Variants in MTHFS observed in about 807,000 individuals in gnomAD.
The protein encoded by MTHFS is 5-formyltetrahydrofolate cyclo-ligase.
MTHFS carries 7 observed loss-of-function variants against 12.7 expected under a neutral mutation model. The observed-to-expected ratio is 0.55, with a 90% confidence interval of 0.31 to 1.03. The LOEUF (loss-of-function observed/expected upper bound fraction) is 1.03, where lower values mean the gene tolerates loss of function less well. Ranked by LOEUF, MTHFS falls within the 50% of genes least tolerant of loss-of-function variation. MTHFS has a pLI of 0.05. For missense variants in MTHFS, 252 were observed against 258.1 expected, an observed-to-expected ratio of 0.98 and a Z score of 0.16; for synonymous variants, 100 against 97.1, an observed-to-expected ratio of 1.03 and a Z score of -0.18.
At position 79,850,376 on chromosome 15, in the gene MTHFS, C is replaced by T. The variant is rs150331483; in HGVS notation, c.380-4934G>A. 5.5e-4 allele frequency among the ~76,000 whole-genome samples: 84 copies of T among 152,260 alleles called. 1 individual carries two copies. In the East Asian group the frequency reaches 0.016, roughly 28 times the overall value. On this transcript the variant is annotated intron_variant, in intron 2 of 2. Transcript: ENST00000258874. The stretch of plus-strand genomic sequence containing the variant: ...CAGGGGAGAATGAGGTTATAGAATG[C>T]AGATTAGCACATTTTTCCTACAAAA...
intron 2 of MTHFS, among the ~76,000 whole-genome samples, chr15:79,856,510 C>CA (rs755261683): frequency 1.3e-4 from 19 of 151,524 alleles, no homozygotes; most frequent in Non-Finnish European, 2.8e-4. Context: ...CAGTCACACA[C>CA]ACAAAAAAAC....
At chr15:79,883,477 A>G (rs1357937774) in intron 2 of MTHFS, among the ~76,000 whole-genome samples, 3 of 152,184 alleles carry the variant, frequency 2.0e-5, no homozygotes, top group Non-Finnish European at 4.4e-5. Flanking sequence ...GAAAGAGTCT[A>G]TCAGCAAAGA....
At chr15:79,858,035 AC>A (rs1159390208) in intron 2 of MTHFS, among the ~76,000 whole-genome samples, 12 of 151,380 alleles carry the variant, frequency 7.9e-5, no homozygotes, top group Admixed American at 2.6e-4. Flanking sequence ...AAAAAAAAAA[AC>A]ATAATCCTCT....
At chr15:79,850,235 T>G (rs761825659) in intron 2 of MTHFS, among the ~76,000 whole-genome samples, 17 of 152,224 alleles carry the variant, frequency 1.1e-4, no homozygotes, top group South Asian at 2.1e-4. Context: ...GGGTATAGTT[T>G]CTCCAATATT....
chr15:79,894,151 G>C (rs923890929), intron 1 of MTHFS, among the ~76,000 whole-genome samples: 6 of 152,212 alleles, frequency 3.9e-5, no homozygotes, highest in Admixed American at 3.9e-4. Context: ...TTGGGAGGCA[G>C]AGGCGGGAAG....
chr15:79,857,141 A>C (rs1350388478), intron 2 of MTHFS, among the ~76,000 whole-genome samples: 1 of 149,272 alleles, frequency 6.7e-6, no homozygotes, highest in East Asian at 1.9e-4. Flanking sequence ...GATTACAGGC[A>C]TGCACCACCA....
intron 2 of MTHFS, among the ~76,000 whole-genome samples, chr15:79,874,872 T>G (rs1322003286): frequency 6.6e-6 from 1 of 152,146 alleles, no homozygotes; most frequent in Non-Finnish European, 1.5e-5. Context: ...TTATCTCCCT[T>G]GTTCCCTGAA....
intron 2 of MTHFS, among the ~76,000 whole-genome samples, chr15:79,852,719 G>A (rs1471940341): frequency 6.6e-6 from 1 of 152,198 alleles, no homozygotes; most frequent in East Asian, 1.9e-4. Context: ...CCAACACCAT[G>A]TAAGGTGGCC....
chr15:79,870,016 AC>A (rs1369599709), intron 2 of MTHFS, among the ~76,000 whole-genome samples: 1 of 152,250 alleles, frequency 6.6e-6, no homozygotes, highest in Non-Finnish European at 1.5e-5. Flanking sequence ...GTTAAAAAGG[AC>A]ATGAAACTTT....
At chr15:79,883,404 A>G (rs1482202530) in intron 2 of MTHFS, among the ~76,000 whole-genome samples, 1 of 152,244 alleles carries the variant, frequency 6.6e-6, no homozygotes, top group African/African-American at 2.4e-5. Context: ...CTGAAAGTCT[A>G]CAACATAAAC....
At chr15:79,860,957 A>C (rs2033902553) in intron 2 of MTHFS, among the ~76,000 whole-genome samples, 1 of 152,218 alleles carries the variant, frequency 6.6e-6, no homozygotes, top group African/African-American at 2.4e-5. Context: ...CACTTTAGGC[A>C]AAGAGAAATC....
chr15:79,883,495 T>C (rs966590456), intron 2 of MTHFS, among the ~76,000 whole-genome samples: 5 of 152,144 alleles, frequency 3.3e-5, no homozygotes, highest in African/African-American at 4.8e-5. Flanking sequence ...AGAAAAGGGA[T>C]ATACTTCCAA....
At chr15:79,849,614 C>T (rs1160442182) in intron 2 of MTHFS, among the ~76,000 whole-genome samples, 2 of 152,238 alleles carry the variant, frequency 1.3e-5, no homozygotes, top group African/African-American at 4.8e-5. Flanking sequence ...AGTCCGTGCA[C>T]AGTTCTGCAT....
chr15:79,889,433 C>G, intron 1 of MTHFS, 79 bp from the exon 2 acceptor site: 1 of 1,500,664 alleles, frequency 6.7e-7, no homozygotes, highest in Non-Finnish European at 8.9e-7. Flanking sequence ...CTTTCTCTCT[C>G]AGCCTTCTCC....
chr15:79,863,636 T>C (rs557216267), intron 2 of MTHFS, among the ~76,000 whole-genome samples: 1 of 152,242 alleles, frequency 6.6e-6, no homozygotes, highest in Non-Finnish European at 1.5e-5. Context: ...TGTATGACCT[T>C]GTGCCTAAGT....
At chr15:79,895,007 G>A (rs1163614216) in intron 1 of MTHFS, among the ~76,000 whole-genome samples, 1 of 151,872 alleles carries the variant, frequency 6.6e-6, no homozygotes, top group Non-Finnish European at 1.5e-5. Context: ...CTTCCTAAAG[G>A]ACATAACAAA....
chr15:79,864,584 C>A (rs1405166394), intron 2 of MTHFS, among the ~76,000 whole-genome samples: 5 of 119,944 alleles, frequency 4.2e-5, no homozygotes, highest in African/African-American at 6.7e-5. Context: ...AAAAAAAGTC[C>A]TTGAGAGTAA....
chr15:79,893,515 G>A (rs557695361), intron 1 of MTHFS, among the ~76,000 whole-genome samples: 1 of 151,616 alleles, frequency 6.6e-6, no homozygotes, highest in Non-Finnish European at 1.5e-5. Flanking sequence ...TGGCTAACAC[G>A]GTGAAACCCC....
chr15:79,878,632 T>C (rs918163887), intron 2 of MTHFS, among the ~76,000 whole-genome samples: 9 of 150,814 alleles, frequency 6.0e-5, no homozygotes, highest in Admixed American at 5.3e-4. Context: ...TAAAACAGAA[T>C]ACTAGAAGTC....
Sources: gnomAD v4.1 joint callset for allele counts (sites outside exome capture counted in the v4.1 genomes callset) on GRCh38, gnomAD v4.1.1 for gene constraint, MANE v1.5 for transcripts, NCBI Gene and HGNC (gene_info 2026-07-23, HGNC 2026-07-21) for gene names.